The following EYS variants were observed in gnomAD, a reference collection of about 807,000 sequenced individuals.
The protein encoded by EYS is protein eyes shut homolog.
Under a neutral mutation model 282.1 loss-of-function variants are expected in EYS, and 250 were observed. The ratio of observed to expected loss-of-function variants is 0.89; its 90% CI spans 0.80 to 0.98. The LOEUF (loss-of-function observed/expected upper bound fraction) is 0.98, where lower values mean the gene tolerates loss of function less well. EYS is among the 50% of genes least tolerant of loss of function. EYS has a pLI of 0.00. For missense variants in EYS, 4,016 were observed against 3,709.0 expected (o/e 1.08, Z -2.15); for synonymous variants, 1,355 against 1,282.9 (o/e 1.06, Z -1.20).
At chr6:64,595,612 T>C (rs1244856266) in intron 24 of EYS, among the ~76,000 whole-genome samples, 3 of 152,108 alleles carry the variant, frequency 2.0e-5, no homozygotes, top group Admixed American at 6.6e-5. Context: ...AAAATCAACA[T>C]ACAAAATTTA....
At position 65,692,224 on chromosome 6, in the gene EYS, T is replaced by G. The variant is rs149900232; in HGVS notation, c.-448+14911A>C. On this transcript the variant is annotated intron_variant, in intron 1 of 42. Coordinates refer to ENST00000503581, the MANE Select transcript of EYS (RefSeq NM_001142800.2). ...AGTAAGAACTAAATAATGTTAACAG[T>G]GAACATAGAGCGTGGAATAATAGGC... Among the ~76,000 whole-genome samples, 768 of 150,152 alleles carry G rather than the reference T, an allele frequency of 5.1e-3. 21 individuals carry two copies. Among genetic ancestry groups the G allele is most frequent in the African/African-American group, 0.018 (723 of 41,228 alleles).
At chr6:64,584,247 G>T (rs540223168) in intron 26 of EYS, among the ~76,000 whole-genome samples, 2 of 151,988 alleles carry the variant, frequency 1.3e-5, no homozygotes, top group South Asian at 2.1e-4. Context: ...GAAGAATTAG[G>T]TTGCATATGT....
At chr6:65,037,786 T>C (rs1056549283) in intron 13 of EYS, among the ~76,000 whole-genome samples, 8 of 151,732 alleles carry the variant, frequency 5.3e-5, no homozygotes, top group African/African-American at 1.9e-4. Context: ...CTCTATACAA[T>C]CTTATCCAAT....
intron 2 of EYS, among the ~76,000 whole-genome samples, chr6:65,566,592 C>A (rs549223140): frequency 6.6e-6 from 1 of 152,168 alleles, no homozygotes; most frequent in African/African-American, 2.4e-5. Flanking sequence ...TTGAGGACTG[C>A]AGAGTCTACC....
At chr6:65,434,353 C>T (rs1403601968) in intron 5 of EYS, among the ~76,000 whole-genome samples, 3 of 150,586 alleles carry the variant, frequency 2.0e-5, no homozygotes, top group African/African-American at 7.3e-5. Context: ...CGGAGTCTCG[C>T]TCTGTTGCCC....
chr6:65,086,822 G>A lies in EYS; in HGVS notation c.2024-29095C>T, dbSNP rs141585232. Among the ~76,000 whole-genome samples the A allele has an allele frequency of 3.9e-4, 59 of 151,608 alleles. 1 individual carries two copies. Among genetic ancestry groups the A allele is most frequent in the African/African-American group, 1.2e-3 (51 of 41,382 alleles). On this transcript the variant is annotated intron_variant, in intron 12 of 42. Transcript: ENST00000503581. ...TGTGTATATAAACATTTGTAAATAT[G>A]TATATGTGGGTTTTTTTTTTTTAAC...
intron 12 of EYS, among the ~76,000 whole-genome samples, chr6:65,279,191 T>TAA (rs201358637): frequency 3.4e-5 from 5 of 146,368 alleles, no homozygotes; most frequent in African/African-American, 1.3e-4. Flanking sequence ...TCTGGCTCTA[T>TAA]AAAAAAAAAT....
chr6:64,887,804 T>C (rs967725684), intron 18 of EYS, among the ~76,000 whole-genome samples: 2 of 152,080 alleles, frequency 1.3e-5, no homozygotes, highest in African/African-American at 4.8e-5. Flanking sequence ...TACAGATATG[T>C]AAACATTACA....
At chr6:65,353,418 T>A (rs772328820) in intron 9 of EYS, 40 bp downstream of exon 9, 35 of 1,588,852 alleles carry the variant, frequency 2.2e-5, no homozygotes, top group Non-Finnish European at 2.8e-5. Flanking sequence ...AATTTTGAAA[T>A]GATTCAAGCA....
intron 22 of EYS, among the ~76,000 whole-genome samples, chr6:64,634,857 T>A (rs967930848): frequency 6.6e-6 from 1 of 152,228 alleles, no homozygotes; most frequent in Admixed American, 6.5e-5. Context: ...AGGGGACTAT[T>A]TTTAAGAGAT....
chr6:63,753,675 T>A (rs1346272401), intron 41 of EYS, among the ~76,000 whole-genome samples: 1 of 152,168 alleles, frequency 6.6e-6, no homozygotes, highest in Non-Finnish European at 1.5e-5. Flanking sequence ...TCCCTCTAGA[T>A]GTTGGGATTA....
chr6:65,063,657 G>A (rs1262574453), intron 12 of EYS, among the ~76,000 whole-genome samples: 1 of 152,020 alleles, frequency 6.6e-6, no homozygotes, highest in Non-Finnish European at 1.5e-5. Context: ...AAAGTTAAAG[G>A]AAATGTCTTT....
At chr6:64,600,295 T>A (rs2149837753) in intron 24 of EYS, among the ~76,000 whole-genome samples, 1 of 147,244 alleles carries the variant, frequency 6.8e-6, no homozygotes, top group East Asian at 2.0e-4. Context: ...ATTAACAGAT[T>A]CTGTGTTCTA....
intron 26 of EYS, among the ~76,000 whole-genome samples, chr6:64,451,340 C>T (rs1775331876): frequency 6.6e-6 from 1 of 152,182 alleles, no homozygotes; most frequent in African/African-American, 2.4e-5. Context: ...AGACCAATAA[C>T]AGGCTGTGAA....
chr6:64,472,109 A>G (rs2150492996), intron 26 of EYS, among the ~76,000 whole-genome samples: 1 of 152,338 alleles, frequency 6.6e-6, no homozygotes, highest in African/African-American at 2.4e-5. Flanking sequence ...GTGGATTACT[A>G]CACAAAAATG....
intron 8 of EYS, among the ~76,000 whole-genome samples, chr6:65,368,037 G>A (rs1382242675): frequency 1.3e-5 from 2 of 151,518 alleles, no homozygotes; most frequent in Non-Finnish European, 2.9e-5. Context: ...TACAATCATG[G>A]CAAAAGGGGA....
At chr6:64,192,592 A>G (rs1765150295) in intron 31 of EYS, among the ~76,000 whole-genome samples, 1 of 152,102 alleles carries the variant, frequency 6.6e-6, no homozygotes, top group Non-Finnish European at 1.5e-5. Flanking sequence ...AGGATTCCCT[A>G]TTTAATAAAT....
chr6:64,021,957 G>A (rs566882998), intron 33 of EYS, among the ~76,000 whole-genome samples: 1 of 152,244 alleles, frequency 6.6e-6, no homozygotes, highest in African/African-American at 2.4e-5. Context: ...TTCTTTTTAA[G>A]ATAGCAAAGT....
chr6:65,064,524 T>A (rs1189951851), intron 12 of EYS, among the ~76,000 whole-genome samples: 1 of 144,634 alleles, frequency 6.9e-6, no homozygotes, highest in Non-Finnish European at 1.5e-5. Flanking sequence ...ATGTACTATA[T>A]ACTAATATAC....
Sources: allele counts gnomAD v4.1 joint callset (sites outside exome capture counted in the v4.1 genomes callset), GRCh38; gene constraint gnomAD v4.1.1; transcripts MANE v1.5; gene names NCBI Gene and HGNC (gene_info 2026-07-23, HGNC 2026-07-21).